CUX1: variants seen among roughly 807,000 people sequenced by gnomAD.
CUX1 encodes the protein protein CASP.
CUX1 carries 31 observed loss-of-function variants against 158.8 expected under a neutral mutation model. The observed-to-expected ratio is 0.20, with a 90% CI of 0.15 to 0.26. The LOEUF is 0.26. CUX1 is among the 10% of genes least tolerant of loss of function. The pLI is 1.00. For missense variants in CUX1, 1,589 were observed against 2,014.6 expected (o/e 0.79, Z 4.04); for synonymous variants, 879 against 862.1 (o/e 1.02, Z -0.34).
intron 1 of CUX1, among the ~76,000 whole-genome samples, chr7:101,859,084 G>A (rs1490202169): frequency 6.6e-6 from 1 of 152,204 alleles, no homozygotes; most frequent in East Asian, 1.9e-4. Context: ...GAGGGCCTTT[G>A]GAAACTCTAG....
At chr7:102,028,268 C>A in intron 3 of CUX1, 123 bp downstream of exon 3, 1 of 957,302 alleles carries the variant, frequency 1.0e-6, no homozygotes, top group Non-Finnish European at 1.6e-6. Flanking sequence ...CCGGCTGCTC[C>A]GACCCAGCGT....
intron 2 of CUX1, among the ~76,000 whole-genome samples, chr7:101,973,918 G>A (rs925209211): frequency 3.3e-5 from 5 of 151,164 alleles, no homozygotes; most frequent in Admixed American, 6.6e-5. Flanking sequence ...ACAGGTGTCC[G>A]CCACCATGCC....
chr7:101,913,299 G>C, intron 1 of CUX1: 1 of 1,152,402 alleles, frequency 8.7e-7, no homozygotes, highest in Non-Finnish European at 1.1e-6. Context: ...TGTTAAATTT[G>C]GAGACCCCCG....
downstream of CUX1, among the ~76,000 whole-genome samples, chr7:102,262,747 C>A (rs1790497435): frequency 6.6e-6 from 1 of 152,216 alleles, no homozygotes; most frequent in African/African-American, 2.4e-5. Flanking sequence ...GACCCTGCAG[C>A]TGTGGGAATC....
chr7:101,827,244 C>CCTTCTCTTCTCTTCTCTTCTCTTCT (rs538996031), intron 1 of CUX1, among the ~76,000 whole-genome samples: 5,612 of 129,722 alleles, frequency 0.043, 219 homozygotes, highest in East Asian at 0.098. Context: ...CCCCTCCCCT[C>CCTTCTCTTCTCTTCTCTTCTCTTCT]CTTCTCTTCT....
At position 102,097,474 on chromosome 7, in the gene CUX1, A is replaced by G; in HGVS notation, c.379A>G (p.Lys127Glu). The change falls in exon 5 of 24, where the codon AAG becomes GAG. Residue 127 changes from lysine (K) to glutamate (E), a missense_variant. By Grantham distance (56) the Lys-to-Glu change is moderately conservative. Coordinates refer to ENST00000292535, the MANE Select transcript of CUX1 (RefSeq NM_181552.4). ...TAGGGAAACTCTGGAAGAATACAAC[A>G]AGGAATTTGCTGAAGTGAAAAATCA... ...KLRETLEEYNKEFAEVKNQEV... is the reference protein window; with the variant it reads ...KLRETLEEYNEEFAEVKNQEV... 1 of 1,608,458 alleles carries G rather than the reference A, an allele frequency of 6.2e-7. No homozygotes were observed. Among genetic ancestry groups the G allele is most frequent in the Non-Finnish European group, 8.5e-7 (1 of 1,178,784 alleles).
chr7:102,274,431 G>A (rs1586521629), intron 16 of CUX1: 2 of 773,918 alleles, frequency 2.6e-6, no homozygotes, highest in Non-Finnish European at 4.2e-6. Flanking sequence ...AGGCCCCCAC[G>A]CCTGCAATGC....
chr7:102,103,669 A>G (rs1313465252), intron 5 of CUX1, among the ~76,000 whole-genome samples: 3 of 151,542 alleles, frequency 2.0e-5, no homozygotes, highest in Non-Finnish European at 4.4e-5. Flanking sequence ...TGCTGGGCTC[A>G]AGGGATCCTC....
intron 2 of CUX1, among the ~76,000 whole-genome samples, chr7:101,941,067 G>A (rs1807645857): frequency 6.6e-6 from 1 of 152,208 alleles, no homozygotes; most frequent in South Asian, 2.1e-4. Flanking sequence ...CTTCCTTGAG[G>A]CAGGTGGCTC....
rs577310470 is a variant in CUX1 at position 102,158,055 on chromosome 7, C to T, written c.675-505C>T. On this transcript the variant is annotated intron_variant, in intron 8 of 23. Transcript: ENST00000292535. ...GCCACCTTCTCCTGGTTTCCTCATT[C>T]CTGGTGAGGCTTTCACTGCCAAGTG... 3.3e-5 allele frequency among the ~76,000 whole-genome samples: 5 copies of T among 152,224 alleles called. No individual in the cohort carries two copies. The South Asian group carries it at 1.0e-3, about 32-fold the overall frequency.
At chr7:102,035,516 A>G (rs1821327086) in intron 3 of CUX1, among the ~76,000 whole-genome samples, 1 of 152,042 alleles carries the variant, frequency 6.6e-6, no homozygotes, top group South Asian at 2.1e-4. Context: ...TCAAACTGTC[A>G]TTTTTCAAGT....
In CUX1 at chr7:102,253,870, T is replaced by TG. The variant is rs1368683584; in HGVS notation, c.*4834dup. On this transcript the variant is annotated 3_prime_UTR_variant, in exon 24 of 24. Coordinates refer to ENST00000292535, the MANE Select transcript of CUX1 (RefSeq NM_181552.4). Reference sequence around the variant, plus strand: ...GGAGGTTTGGCTCCTGTGCTGCCGGTGGGGGGCCCTGTCCCTCCCCAGATG... The same window carrying TG: ...GGAGGTTTGGCTCCTGTGCTGCCGGTGGGGGGGCCCTGTCCCTCCCCAGATG... 2 of 985,622 alleles carry TG rather than the reference T, an allele frequency of 2.0e-6. No individual in the cohort carries two copies. The highest frequency in any genetic ancestry group is 1.2e-6 in the Non-Finnish European group (1 of 830,220). The allele number at this position is 985,622 out of a possible 1,614,324, so 61.1% of individuals were successfully genotyped here. A position where few individuals can be genotyped will look rare whatever the true frequency, so the allele number is the denominator to read the frequency against.
At chr7:102,162,169 G>A (rs1050721067) in intron 9 of CUX1, among the ~76,000 whole-genome samples, 10 of 152,178 alleles carry the variant, frequency 6.6e-5, no homozygotes, top group African/African-American at 2.4e-4. Flanking sequence ...TTCTGTCCTT[G>A]TAGTTCTCAA....
intron 1 of CUX1, among the ~76,000 whole-genome samples, chr7:101,829,767 C>T (rs567492777): frequency 6.6e-5 from 10 of 152,268 alleles, no homozygotes; most frequent in South Asian, 6.2e-4. Flanking sequence ...AACTCAGCCC[C>T]GCAGAGAAGG....
chr7:102,104,574 TC>T, intron 6 of CUX1, 115 bp downstream of exon 6: 2 of 1,351,360 alleles, frequency 1.5e-6, no homozygotes, highest in South Asian at 1.3e-5. Context: ...TAACCCCAAA[TC>T]TATAAGGGGT....
At chr7:102,090,443 A>G (rs1554481889) in intron 4 of CUX1, among the ~76,000 whole-genome samples, 1 of 150,802 alleles carries the variant, frequency 6.6e-6, no homozygotes, top group East Asian at 2.0e-4. Context: ...GCTGGAGTGC[A>G]GTGGCGCAAT....
chr7:101,818,229 G>A (rs1792092943), intron 1 of CUX1, among the ~76,000 whole-genome samples: 1 of 152,186 alleles, frequency 6.6e-6, no homozygotes, highest in Non-Finnish European at 1.5e-5. Flanking sequence ...GAACACAGCC[G>A]AATGGCATTT....
At chr7:102,185,344 A>T (rs1424003714) in intron 11 of CUX1, among the ~76,000 whole-genome samples, 1 of 152,206 alleles carries the variant, frequency 6.6e-6, no homozygotes, top group Non-Finnish European at 1.5e-5. Context: ...TATAAACATG[A>T]TCCCCATTTT....
chr7:101,859,148 A>G (rs184561868), intron 1 of CUX1, among the ~76,000 whole-genome samples: 73 of 152,318 alleles, frequency 4.8e-4, no homozygotes, highest in Admixed American at 2.0e-3. Context: ...GGCACTGCCC[A>G]TGAGAGCTGG....
Sources: gnomAD v4.1 joint callset for allele counts (sites outside exome capture counted in the v4.1 genomes callset) on GRCh38, gnomAD v4.1.1 for gene constraint, MANE v1.5 for transcripts, NCBI Gene and HGNC (gene_info 2026-07-23, HGNC 2026-07-21) for gene names.